Variants in ZNF709 observed in about 807,000 individuals in gnomAD.
ZNF709 encodes the protein zinc finger protein 709.
Under a neutral mutation model 10.6 loss-of-function variants are expected in ZNF709, and 15 were observed. The ratio of observed to expected loss-of-function variants is 1.41; its 90% confidence interval spans 0.95 to 2.18. The LOEUF (loss-of-function observed/expected upper bound fraction) is 2.18, where lower values mean the gene tolerates loss of function less well. Among genes scored for constraint, ZNF709 ranks in the 30% most tolerant of loss-of-function variants. The pLI is 0.00. For synonymous variants in ZNF709, 194 were observed against 238.8 expected (o/e 0.81, Z 1.73); for missense variants, 589 against 774.0 (o/e 0.76, Z 2.84).
At chr19:12,468,485 C>T (rs1970604021) in intron 1 of ZNF709, among the ~76,000 whole-genome samples, 2 of 151,868 alleles carry the variant, frequency 1.3e-5, no homozygotes, top group African/African-American at 4.8e-5. Context: ...TAAACAGATG[C>T]TTGAAGGCAG....
At position 12,464,918 on chromosome 19, in the gene ZNF709, G is replaced by A. The variant is rs754110213; in HGVS notation, c.1004C>T (p.Pro335Leu). ...TTTCCCACATTCCTTACAATCATAG[G>A]GTTTCTCTCCTGTATGAATTCTTTC... is the stretch of plus-strand genomic sequence containing the variant. Reference protein sequence around the residue: ...KHERIHTGEKPYDCKECGKAF... With the variant: ...KHERIHTGEKLYDCKECGKAF... The change falls in exon 4 of 4, where the codon CCC becomes CTC. Residue 335 changes from proline (P) to leucine (L), a missense_variant. By Grantham distance (98) the Pro-to-Leu change is moderately conservative (BLOSUM62 -3). Transcript: ENST00000397732. 6.2e-7 allele frequency: 1 copy of A among 1,612,256 alleles called. No individual in the cohort carries two copies. Among genetic ancestry groups the A allele is most frequent in the African/African-American group, 1.3e-5 (1 of 74,736 alleles).
chr19:12,469,083 G>A (rs899284777), intron 1 of ZNF709, among the ~76,000 whole-genome samples: 3 of 152,032 alleles, frequency 2.0e-5, no homozygotes, highest in Non-Finnish European at 2.9e-5. Flanking sequence ...CTCGTGATCC[G>A]CCCACCTCGG....
intron 1 of ZNF709, among the ~76,000 whole-genome samples, chr19:12,480,743 A>T (rs1197498837): frequency 6.6e-6 from 1 of 151,486 alleles, no homozygotes; most frequent in Admixed American, 6.6e-5. Context: ...ATTCATTTGC[A>T]ATAGGAATCA....
rs1310804207 is a variant in ZNF709 at position 12,468,493 on chromosome 19, C to T, written c.4-1643G>A. On this transcript the variant is annotated intron_variant, in intron 1 of 3. Coordinates refer to ENST00000397732, the MANE Select transcript of ZNF709 (RefSeq NM_152601.4). ...GCTTTGGTAAACAGATGCTTGAAGGCAGCATGCTCGTTAAGAGTCATCACC... is the reference window on the plus strand; with the variant it reads ...GCTTTGGTAAACAGATGCTTGAAGGTAGCATGCTCGTTAAGAGTCATCACC... 1.1e-4 allele frequency among the ~76,000 whole-genome samples: 17 copies of T among 151,852 alleles called. No homozygotes were observed. The East Asian group carries it at 3.1e-3, about 28-fold the overall frequency.
At chr19:12,483,078 C>G (rs1031282216) in intron 1 of ZNF709, among the ~76,000 whole-genome samples, 1 of 151,884 alleles carries the variant, frequency 6.6e-6, no homozygotes, top group Non-Finnish European at 1.5e-5. Flanking sequence ...TATACATTCT[C>G]AGAAGAAAAA....
chr19:12,484,464 CGGGGTCCCGGCTG>C (rs1187428917), intron 1 of ZNF709, among the ~76,000 whole-genome samples, 178 bp downstream of exon 1: 1 of 152,210 alleles, frequency 6.6e-6, no homozygotes, highest in Non-Finnish European at 1.5e-5. Flanking sequence ...ACAAGACGTC[CGGGGTCCCGGCTG>C]CCGGCCCAGC....
chr19:12,464,022 G>A lies in ZNF709; in HGVS notation c.1900C>T (p.His634Tyr). Reference sequence around the variant, plus strand: ...TACTCTCCACTATGAACTCTTTCATGTATTCGAAAGGAACGGGAACACTTG... The same window carrying A: ...TACTCTCCACTATGAACTCTTTCATATATTCGAAAGGAACGGGAACACTTG... The part of the protein sequence containing the change: ...AFKCSRSFRI[H>Y]ERVHSGE Residue 634 changes from histidine (H) to tyrosine (Y), a missense_variant, in exon 4 of 4, where the codon CAT (histidine) becomes TAT (tyrosine). Physicochemically the swap from His to Tyr is moderately conservative, Grantham distance 83. Coordinates refer to ENST00000397732, the MANE Select transcript of ZNF709 (RefSeq NM_152601.4). 1 of 1,494,582 alleles carries A rather than the reference G, an allele frequency of 6.7e-7. No individual in the cohort carries two copies. The highest frequency in any genetic ancestry group is 8.9e-7 in the Non-Finnish European group (1 of 1,124,420). 92.6% of individuals were successfully genotyped at this position (1,494,582 alleles called of 1,614,324 possible).
intron 1 of ZNF709, among the ~76,000 whole-genome samples, chr19:12,477,156 G>A (rs1194995986): frequency 6.6e-6 from 1 of 152,194 alleles, no homozygotes; most frequent in Non-Finnish European, 1.5e-5. Flanking sequence ...TAAGGTTATG[G>A]TAATCCATTG....
intron 3 of ZNF709, among the ~76,000 whole-genome samples, 200 bp from the exon 4 acceptor site, chr19:12,465,933 GTTTA>G (rs940449784): frequency 4.8e-5 from 7 of 146,320 alleles, no homozygotes; most frequent in African/African-American, 1.2e-4. Context: ...ATCACATAGA[GTTTA>G]TTTCTTTTTT....
At chr19:12,481,536 G>C (rs1159485708) in intron 1 of ZNF709, among the ~76,000 whole-genome samples, 2 of 152,136 alleles carry the variant, frequency 1.3e-5, no homozygotes, top group African/African-American at 2.4e-5. Flanking sequence ...CACCACACCC[G>C]GCCTGGTTTC....
intron 1 of ZNF709, 68 bp from the exon 2 acceptor site, chr19:12,466,918 CATTAAAAGTTCATATATA>C (rs1970576106): frequency 1.3e-6 from 2 of 1,522,372 alleles, no homozygotes; most frequent in Non-Finnish European, 1.8e-6. Flanking sequence ...AAACTCAGTT[CATTAAAAGTTCATATATA>C]ATTTTCTCCA....
At chr19:12,482,138 T>TAC (rs74180073) in intron 1 of ZNF709, among the ~76,000 whole-genome samples, 24 of 43,056 alleles carry the variant, frequency 5.6e-4, no homozygotes, top group East Asian at 2.5e-3. Flanking sequence ...ACCTCTAAAA[T>TAC]ACACACACAC....
intron 1 of ZNF709, among the ~76,000 whole-genome samples, chr19:12,484,201 G>A (rs1377647429): frequency 6.6e-6 from 1 of 152,152 alleles, no homozygotes; most frequent in Non-Finnish European, 1.5e-5. Context: ...TGGAGGACAC[G>A]GTCGTGGGTT....
chr19:12,477,327 T>C (rs1970685396), intron 1 of ZNF709, among the ~76,000 whole-genome samples: 1 of 152,222 alleles, frequency 6.6e-6, no homozygotes, highest in Non-Finnish European at 1.5e-5. Flanking sequence ...ATAACTAATT[T>C]AACTGGGGAG....
rs751271124 is a variant in ZNF709 at position 12,464,217 on chromosome 19, A to C, written c.1705T>G (p.Phe569Val). ...PYECKQCGKA[F>V]SCSSSVRMHE... is the part of the protein sequence containing the mutation. ...ATTCGAACAGAACTAGAACAACTGA[A>C]GGCCTTACCACATTGTTTACACTCA... The change falls in exon 4 of 4, where the codon TTC (phenylalanine) becomes GTC (valine). Residue 569 changes from phenylalanine to valine, a missense_variant. Transcript: ENST00000397732. 1 of 1,586,392 alleles carries C rather than the reference A, an allele frequency of 6.3e-7. No homozygotes were observed. Among genetic ancestry groups the C allele is most frequent in the East Asian group, 2.2e-5 (1 of 44,796 alleles).
chr19:12,479,056 GC>G (rs1599636014), intron 1 of ZNF709, among the ~76,000 whole-genome samples: 2 of 152,310 alleles, frequency 1.3e-5, no homozygotes, highest in African/African-American at 4.8e-5. Context: ...TAACACCAGT[GC>G]TTTGACAGGC....
intron 1 of ZNF709, among the ~76,000 whole-genome samples, chr19:12,469,456 A>G (rs1568247094): frequency 6.6e-6 from 1 of 152,132 alleles, no homozygotes; most frequent in Non-Finnish European, 1.5e-5. Flanking sequence ...GGAAAAAGGC[A>G]TGGCAACTTA....
At chr19:12,478,415 G>A (rs1035440429) in intron 1 of ZNF709, among the ~76,000 whole-genome samples, 4 of 152,200 alleles carry the variant, frequency 2.6e-5, no homozygotes, top group Non-Finnish European at 5.9e-5. Flanking sequence ...TCAACATGCA[G>A]CACAGAGTAG....
chr19:12,475,189 C>T (rs563352021), intron 1 of ZNF709, among the ~76,000 whole-genome samples: 4 of 134,496 alleles, frequency 3.0e-5, no homozygotes, highest in South Asian at 2.5e-4. Flanking sequence ...ACCCAGGATG[C>T]GGAGGTTGCA....
Sources: allele counts gnomAD v4.1 joint callset (sites outside exome capture counted in the v4.1 genomes callset), GRCh38; gene constraint gnomAD v4.1.1; transcripts MANE v1.5; gene names NCBI Gene and HGNC (gene_info 2026-07-23, HGNC 2026-07-21).